The following FGD4 variants were observed in gnomAD, a reference collection of about 807,000 sequenced individuals.
FGD4 encodes FYVE, RhoGEF and PH domain-containing protein 4.
A neutral mutation model predicts 102.0 loss-of-function variants in FGD4; 42 were observed. The ratio of observed to expected loss-of-function variants is 0.41; its 90% confidence interval spans 0.32 to 0.53. The LOEUF is 0.53. FGD4 is among the 20% of genes least tolerant of loss of function. The probability of loss-of-function intolerance (pLI) is 0.21; values close to 1 mark genes in which losing one functional copy is unlikely to be tolerated. For synonymous variants in FGD4, 380 were observed against 375.7 expected (o/e 1.01, Z -0.13); for missense variants, 902 against 1,078.2 (o/e 0.84, Z 2.29).
intron 1 of FGD4, among the ~76,000 whole-genome samples, chr12:32,495,076 T>A (rs1333073141): frequency 6.6e-6 from 1 of 152,196 alleles, no homozygotes; most frequent in East Asian, 1.9e-4. Flanking sequence ...CCCCCATTTT[T>A]AAACATGTTT....
intron 7 of FGD4, 154 bp from the exon 8 acceptor site, chr12:32,607,803 T>C: frequency 1.3e-6 from 1 of 773,688 alleles, no homozygotes. Context: ...TGTGAGACAC[T>C]GTGCCTGGCC....
intron 1 of FGD4, among the ~76,000 whole-genome samples, chr12:32,539,577 A>G (rs5003732): frequency 0.14 from 16,242 of 119,118 alleles, 930 homozygotes; most frequent in South Asian, 0.24. Flanking sequence ...CTCAGGGGGG[A>G]AAAAAAAAAA....
chr12:32,450,859 T>C (rs1942754072), intron 1 of FGD4, among the ~76,000 whole-genome samples: 1 of 152,202 alleles, frequency 6.6e-6, no homozygotes, highest in South Asian at 2.1e-4. Flanking sequence ...GAAACCTGGT[T>C]CCTTTATCCC....
intron 1 of FGD4, among the ~76,000 whole-genome samples, chr12:32,480,085 C>T (rs200774198): frequency 2.0e-5 from 3 of 151,970 alleles, no homozygotes; most frequent in Non-Finnish European, 4.4e-5. Context: ...AACCACTACG[C>T]CCTGCCTGTA....
chr12:32,472,678 T>C (rs1323568524), intron 1 of FGD4, among the ~76,000 whole-genome samples: 1 of 151,932 alleles, frequency 6.6e-6, no homozygotes, highest in East Asian at 1.9e-4. Flanking sequence ...GGAATGCGAG[T>C]GCGGGGCGCA....
At chr12:32,413,217 A>C (rs1461369291) in intron 1 of FGD4, among the ~76,000 whole-genome samples, 1 of 152,118 alleles carries the variant, frequency 6.6e-6, no homozygotes, top group East Asian at 1.9e-4. Flanking sequence ...ACCATAGCAC[A>C]TGTATACCTT....
intron 16 of FGD4, 38 bp downstream of exon 16, chr12:32,638,833 T>C (rs750787305): frequency 1.1e-5 from 17 of 1,613,436 alleles, no homozygotes; most frequent in Non-Finnish European, 1.4e-5. Flanking sequence ...ACAGATGCCC[T>C]TGGGGGCAAG....
At chr12:32,540,812 G>A (rs140092801) in intron 1 of FGD4, among the ~76,000 whole-genome samples, 4,554 of 152,138 alleles carry the variant, frequency 0.03, 103 homozygotes, top group South Asian at 0.048. Context: ...TGATTCGCCC[G>A]CCTCTGCCTC....
intron 1 of FGD4, among the ~76,000 whole-genome samples, chr12:32,451,178 T>G (rs941859664): frequency 7.2e-5 from 11 of 152,242 alleles, no homozygotes; most frequent in Admixed American, 3.3e-4. Context: ...TCTATCTAAT[T>G]AATTTTCTTT....
In FGD4 at chr12:32,399,849, A is replaced by G. The variant is rs1940573388; in HGVS notation, c.56A>G (p.Asn19Ser). ...CGGGTGGCGATCCGGCGGAAGTCCA[A>G]CCCCTCCTACCTGCCGCCCGGGGTG... Reference protein sequence around the residue: ...FRRVAIRRKSNPSYLPPGVPR... With the variant: ...FRRVAIRRKSSPSYLPPGVPR... The change falls in exon 1 of 17, where the codon AAC becomes AGC. Residue 19 changes from asparagine (N) to serine (S), a missense_variant. Asn to Ser is a conservative substitution (Grantham distance 46, BLOSUM62 1). This residue lies in a region of FGD4 where 443 missense variants were observed against 459.2 expected (regional missense o/e 0.96). Coordinates refer to ENST00000534526, the MANE Select transcript of FGD4 (RefSeq NM_001370298.3). 3.9e-6 allele frequency: 6 copies of G among 1,530,904 alleles called. No homozygotes were observed. Among genetic ancestry groups the G allele is most frequent in the Admixed American group, 2.0e-5 (1 of 50,808 alleles). 94.8% of individuals were successfully genotyped at this position (1,530,904 alleles called of 1,614,324 possible).
At chr12:32,490,134 T>C (rs1267911000) in intron 1 of FGD4, among the ~76,000 whole-genome samples, 1 of 152,188 alleles carries the variant, frequency 6.6e-6, no homozygotes, top group Admixed American at 6.5e-5. Flanking sequence ...GCATGTATGA[T>C]GAGAAGTAGG....
chr12:32,633,009 A>G (rs117925756), intron 14 of FGD4, among the ~76,000 whole-genome samples: 2,821 of 146,672 alleles, frequency 0.019, 45 homozygotes, highest in Non-Finnish European at 0.021. Context: ...CTAAAACGCC[A>G]TGGACTTGGG....
In FGD4 at chr12:32,587,013, A is replaced by G. The variant is rs143549614; in HGVS notation, c.1011+4546A>G. On this transcript the variant is annotated intron_variant, in intron 4 of 16. Transcript: ENST00000534526. ...CGAGACCAGCCTGGCCAGTATGGTG[A>G]AACCCCATCTCTACTAAAAATACAA... 7.5e-3 allele frequency among the ~76,000 whole-genome samples: 1,134 copies of G among 152,094 alleles called. 11 individuals are homozygous for G. The highest frequency in any genetic ancestry group is 0.026 in the African/African-American group (1,077 of 41,494).
At chr12:32,468,262 G>A (rs1013252341) in intron 1 of FGD4, among the ~76,000 whole-genome samples, 22 of 97,838 alleles carry the variant, frequency 2.2e-4, no homozygotes, top group African/African-American at 4.7e-4. Flanking sequence ...GATGAATGCT[G>A]TATTTTTTTT....
At chr12:32,437,456 C>A (rs142948024) in intron 1 of FGD4, among the ~76,000 whole-genome samples, 104 of 152,290 alleles carry the variant, frequency 6.8e-4, no homozygotes, top group African/African-American at 2.5e-3. Flanking sequence ...GGTGTCCAAC[C>A]GCACCCAGAT....
intron 1 of FGD4, among the ~76,000 whole-genome samples, chr12:32,421,362 G>A (rs1436789007): frequency 6.6e-6 from 1 of 152,186 alleles, no homozygotes; most frequent in Non-Finnish European, 1.5e-5. Flanking sequence ...TTCTCTTTGA[G>A]TATTCATGGA....
intron 1 of FGD4, among the ~76,000 whole-genome samples, chr12:32,402,571 CTT>C (rs1393883439): frequency 1.3e-5 from 2 of 151,130 alleles, no homozygotes; most frequent in African/African-American, 4.9e-5. Flanking sequence ...GCCTCAGTCT[CTT>C]AAGTAGATGG....
chr12:32,616,581 T>C (rs1949462642), intron 10 of FGD4, among the ~76,000 whole-genome samples: 1 of 152,190 alleles, frequency 6.6e-6, no homozygotes. Context: ...CTCTTGTTCT[T>C]TTACTTGTAG....
At chr12:32,542,443 G>A (rs1261631593) in intron 1 of FGD4, among the ~76,000 whole-genome samples, 1 of 152,196 alleles carries the variant, frequency 6.6e-6, no homozygotes, top group Non-Finnish European at 1.5e-5. Flanking sequence ...TTGTGATTGA[G>A]ATAATTAAAA....
Sources: gnomAD v4.1 joint callset for allele counts (sites outside exome capture counted in the v4.1 genomes callset) on GRCh38, gnomAD v4.1.1 for gene constraint, gnomAD v4.1.1 regional missense constraint, MANE v1.5 for transcripts, NCBI Gene and HGNC (gene_info 2026-07-23, HGNC 2026-07-21) for gene names.